Variants in TRPC3 observed in about 807,000 individuals in gnomAD.
TRPC3 encodes transient receptor potential cation channel subfamily C member 3.
TRPC3 carries 54 observed loss-of-function variants against 90.9 expected under a neutral mutation model. That is an observed-to-expected ratio of 0.59 (90% CI 0.48 to 0.75). The LOEUF (loss-of-function observed/expected upper bound fraction) is 0.75, where lower values mean the gene tolerates loss of function less well. Ranked by LOEUF, TRPC3 falls within the 30% of genes least tolerant of loss-of-function variation. The pLI is 0.00. For missense variants in TRPC3, 918 were observed against 1,194.5 expected (o/e 0.77, Z 3.41); for synonymous variants, 424 against 450.9 (o/e 0.94, Z 0.75).
intron 1 of TRPC3, among the ~76,000 whole-genome samples, chr4:121,949,475 C>T (rs954206475): frequency 2.0e-5 from 3 of 152,066 alleles, no homozygotes; most frequent in Non-Finnish European, 4.4e-5. Context: ...GTATCCTTCT[C>T]GGAGTCCATC....
At position 121,878,103 on chromosome 4, in the gene TRPC3, T is replaced by C. The variant is rs1229803586; in HGVS notation, c.*1633A>G. ...TATAACAATGGAAAAATTCAATATTTTATTCAGTTCTGAGACACAACATAA... is the reference window on the plus strand; with the variant it reads ...TATAACAATGGAAAAATTCAATATTCTATTCAGTTCTGAGACACAACATAA... On this transcript the variant is annotated 3_prime_UTR_variant, in exon 12 of 12. Transcript: ENST00000379645. Among the ~76,000 whole-genome samples the C allele has an allele frequency of 6.6e-6, 1 of 152,210 alleles. No individual in the cohort carries two copies. Among genetic ancestry groups the C allele is most frequent in the African/African-American group, 2.4e-5 (1 of 41,452 alleles).
At position 121,904,338 on chromosome 4, in the gene TRPC3, G is replaced by A; in HGVS notation, c.2237C>T (p.Ser746Leu). The A allele has an allele frequency of 3.1e-6, 5 of 1,598,066 alleles. No individual in the cohort carries two copies. Among genetic ancestry groups the A allele is most frequent in the African/African-American group, 1.4e-5 (1 of 73,690 alleles). The change falls in exon 8 of 12, where the codon TCA becomes TTA. Residue 746 changes from serine to leucine, a missense_variant. Transcript: ENST00000379645. ...CCGATTTACCTCAATTTCTTGATAT[G>A]AGCTATTAATCATAGCAATTAGCAT... ...LNMLIAMINSSYQEIEDDSDV... is the reference protein window; with the variant it reads ...LNMLIAMINSLYQEIEDDSDV...
At chr4:121,933,384 A>G (rs1375577898) in intron 1 of TRPC3, 1 of 193,266 alleles carries the variant, frequency 5.2e-6, no homozygotes, top group Non-Finnish European at 1.0e-5. Context: ...TTCCGCTCTT[A>G]AAAGTCTTGG....
At chr4:121,929,218 C>T (rs575320086) in intron 2 of TRPC3, among the ~76,000 whole-genome samples, 17 of 152,148 alleles carry the variant, frequency 1.1e-4, no homozygotes, top group Non-Finnish European at 1.6e-4. Context: ...TTCTCTTTTA[C>T]AAAGTGAAAG....
intron 3 of TRPC3, among the ~76,000 whole-genome samples, chr4:121,922,612 G>A (rs1355095836): frequency 6.6e-6 from 1 of 152,220 alleles, no homozygotes; most frequent in African/African-American, 2.4e-5. Flanking sequence ...TTAGTTGACT[G>A]AAGCACAAGT....
At chr4:121,898,216 T>C (rs1299903660) in intron 10 of TRPC3, among the ~76,000 whole-genome samples, 1 of 152,132 alleles carries the variant, frequency 6.6e-6, no homozygotes, top group African/African-American at 2.4e-5. Context: ...AAATTACCGC[T>C]AGATAGGAGG....
intron 1 of TRPC3, among the ~76,000 whole-genome samples, chr4:121,942,038 C>T (rs948780824): frequency 2.0e-5 from 3 of 152,140 alleles, no homozygotes; most frequent in African/African-American, 7.2e-5. Context: ...GTCACAGTAA[C>T]AACCAAACCA....
intron 11 of TRPC3, among the ~76,000 whole-genome samples, chr4:121,882,149 G>C (rs1163855925): frequency 2.0e-5 from 3 of 152,102 alleles, no homozygotes; most frequent in Non-Finnish European, 4.4e-5. Flanking sequence ...TATGAGTAGA[G>C]ATAAATTGCC....
chr4:121,895,940 T>G (rs978255678), intron 10 of TRPC3, among the ~76,000 whole-genome samples: 16 of 151,982 alleles, frequency 1.1e-4, no homozygotes, highest in African/African-American at 3.9e-4. Flanking sequence ...AATAAAATAT[T>G]AATAAACCAA....
chr4:121,903,025 T>C lies in TRPC3; in HGVS notation c.2290A>G (p.Lys764Glu). 6.2e-7 allele frequency: 1 copy of C among 1,613,244 alleles called. No homozygotes were observed. The highest frequency in any genetic ancestry group is 8.5e-7 in the Non-Finnish European group (1 of 1,179,638). ...TCATCAAAATAGGATAACCAAAGTT[T>C]TGAACGAGCAAACTTCCATTCTACA... ...SDVEWKFARSKLWLSYFDDGK... is the reference protein window; with the variant it reads ...SDVEWKFARSELWLSYFDDGK... The change falls in exon 9 of 12, where the codon AAA becomes GAA. Residue 764 changes from lysine to glutamate, a missense_variant. Lys to Glu is a moderately conservative substitution (Grantham distance 56). Coordinates refer to ENST00000379645, the MANE Select transcript of TRPC3 (RefSeq NM_001130698.2).
chr4:121,903,076 T>C lies in TRPC3; in HGVS notation c.2254-15A>G, dbSNP rs199953869. The C allele has an allele frequency of 1.3e-5, 20 of 1,572,972 alleles. No homozygotes were observed. Among genetic ancestry groups the C allele is most frequent in the Non-Finnish European group, 1.7e-5 (20 of 1,163,530 alleles). ...TCACTGTCATCCTGTGTCACAAAAA[T>C]AGAAAAAAAAACTAATTTTAAATGC... is the stretch of plus-strand genomic sequence containing the variant. On this transcript the variant is annotated splice_polypyrimidine_tract_variant and intron_variant, in intron 8 of 11. Coordinates refer to ENST00000379645, the MANE Select transcript of TRPC3 (RefSeq NM_001130698.2).
chr4:121,926,389 T>C (rs374400857), intron 2 of TRPC3, among the ~76,000 whole-genome samples: 121 of 149,984 alleles, frequency 8.1e-4, no homozygotes, highest in African/African-American at 2.6e-3. Flanking sequence ...CAAATAAATA[T>C]GATTTTCTAT....
At chr4:121,950,280 C>G (rs1041127259) in intron 1 of TRPC3, among the ~76,000 whole-genome samples, 2 of 152,200 alleles carry the variant, frequency 1.3e-5, no homozygotes, top group Non-Finnish European at 1.5e-5. Context: ...GCGCGCGGAG[C>G]AGCGCGCGAT....
At chr4:121,930,123 A>C (rs1409599415) in intron 2 of TRPC3, among the ~76,000 whole-genome samples, 1 of 152,166 alleles carries the variant, frequency 6.6e-6, no homozygotes, top group African/African-American at 2.4e-5. Context: ...GGCAGATAAG[A>C]AAGGAATAAC....
chr4:121,917,645 G>A (rs1426576839), intron 3 of TRPC3, among the ~76,000 whole-genome samples: 1 of 152,158 alleles, frequency 6.6e-6, no homozygotes, highest in Non-Finnish European at 1.5e-5. Flanking sequence ...TTGTCAAGAT[G>A]CCTAATCAGA....
At chr4:121,886,504 T>G in intron 10 of TRPC3, among the ~76,000 whole-genome samples, 1 of 152,180 alleles carries the variant, frequency 6.6e-6, no homozygotes, top group East Asian at 1.9e-4. Context: ...CTGTATAAAC[T>G]TCTGTGATTG....
In TRPC3 at chr4:121,879,681, G is replaced by A; in HGVS notation, c.*55C>T. 2.6e-6 allele frequency: 4 copies of A among 1,548,890 alleles called. No individual in the cohort carries two copies. Among genetic ancestry groups the A allele is most frequent in the Non-Finnish European group, 2.6e-6 (3 of 1,154,198 alleles). On this transcript the variant is annotated 3_prime_UTR_variant, in exon 12 of 12. Coordinates refer to ENST00000379645, the MANE Select transcript of TRPC3 (RefSeq NM_001130698.2). ...TAGTTTTTCAAGTATTTCATACTTAGAAATATTATTGCCCACATTTGTGCT... is the reference window on the plus strand; with the variant it reads ...TAGTTTTTCAAGTATTTCATACTTAAAAATATTATTGCCCACATTTGTGCT...
Position 121,932,407 on chromosome 4 carries a change from G to C in TRPC3, c.851C>G (p.Ser284Ter). 6.2e-6 allele frequency: 10 copies of C among 1,614,190 alleles called. No homozygotes were observed. The highest frequency in any genetic ancestry group is 8.5e-6 in the Non-Finnish European group (10 of 1,180,026). ...EKQRHDSFSHSRSRINAYKGL... is the reference protein window; with the variant it reads ...EKQRHDSFSH Reference sequence around the variant, plus strand: ...CTTGTAGGCATTGATCCTCGAGCGTGAGTGGCTGAAGGAGTCGTGCCTCTG... The same window carrying C: ...CTTGTAGGCATTGATCCTCGAGCGTCAGTGGCTGAAGGAGTCGTGCCTCTG... Residue 284 changes from serine (S) to a stop codon, truncating the protein, a stop_gained, in exon 2 of 12, where the codon TCA becomes TGA. Coordinates refer to ENST00000379645, the MANE Select transcript of TRPC3 (RefSeq NM_001130698.2). LOFTEE classifies it high-confidence loss of function. This position sits in a 1 kb window ranked among gnomAD's most constrained non-coding sequence, Gnocchi z 7.7.
chr4:121,948,964 T>C (rs530302578), intron 1 of TRPC3, among the ~76,000 whole-genome samples: 1 of 152,258 alleles, frequency 6.6e-6, no homozygotes, highest in East Asian at 1.9e-4. Context: ...CATGAGATTG[T>C]AAACTTCTTG....
Sources: gnomAD v4.1 joint callset for allele counts (sites outside exome capture counted in the v4.1 genomes callset) on GRCh38, gnomAD v4.1.1 for gene constraint, Gnocchi (gnomAD v3.1) non-coding constraint, MANE v1.5 for transcripts, NCBI Gene and HGNC (gene_info 2026-07-23, HGNC 2026-07-21) for gene names.